The following MBOAT2 variants were observed in gnomAD, a reference collection of about 807,000 sequenced individuals.
The protein encoded by MBOAT2 is membrane-bound glycerophospholipid O-acyltransferase 2.
Under a neutral mutation model 63.4 loss-of-function variants are expected in MBOAT2, and 28 were observed. That is an observed-to-expected ratio of 0.44 (90% CI 0.33 to 0.61). The LOEUF is 0.61. MBOAT2 is among the 20% of genes least tolerant of loss of function. The probability of loss-of-function intolerance (pLI) is 0.03; values close to 1 mark genes in which losing one functional copy is unlikely to be tolerated. For missense variants in MBOAT2, 470 were observed against 605.8 expected (o/e 0.78, Z 2.35); for synonymous variants, 211 against 215.6 (o/e 0.98, Z 0.19).
At chr2:8,982,214 A>G (rs758529519) in intron 1 of MBOAT2, among the ~76,000 whole-genome samples, 4 of 152,164 alleles carry the variant, frequency 2.6e-5, no homozygotes, top group Non-Finnish European at 5.9e-5. Context: ...CCACAGACAT[A>G]TTTACAGCAT....
At chr2:8,872,474 G>T (rs1662396875) in intron 8 of MBOAT2, among the ~76,000 whole-genome samples, 1 of 152,070 alleles carries the variant, frequency 6.6e-6, no homozygotes, top group South Asian at 2.1e-4. Flanking sequence ...AGAGAGAGGG[G>T]TCTCACTATG....
chr2:8,859,917 G>A (rs1226282163), intron 12 of MBOAT2, among the ~76,000 whole-genome samples: 1 of 152,186 alleles, frequency 6.6e-6, no homozygotes, highest in Non-Finnish European at 1.5e-5. Context: ...GGGTGTGGTG[G>A]CTCATGCCTG....
chr2:8,993,647 G>A (rs1162764821), intron 1 of MBOAT2, among the ~76,000 whole-genome samples: 2 of 152,164 alleles, frequency 1.3e-5, no homozygotes, highest in Admixed American at 1.3e-4. Context: ...GCATCCCTCA[G>A]AACCTGGCCT....
At position 8,950,513 on chromosome 2, in the gene MBOAT2, C is replaced by T. The variant is rs181178642; in HGVS notation, c.222-7249G>A. On this transcript the variant is annotated intron_variant, in intron 2 of 12. Transcript: ENST00000305997. ...CGCGATCTCAGCTCACTGCAAGCTC[C>T]GCCTCCCGGGTTCATGCCATTCTCC... is the stretch of plus-strand genomic sequence containing the variant. 2.8e-3 allele frequency among the ~76,000 whole-genome samples: 425 copies of T among 152,200 alleles called. 2 individuals are homozygous for T. The highest frequency in any genetic ancestry group is 4.3e-3 in the Non-Finnish European group (292 of 68,018).
intron 6 of MBOAT2, among the ~76,000 whole-genome samples, chr2:8,878,315 T>TA (rs1001917121): frequency 9.2e-5 from 14 of 152,064 alleles, no homozygotes; most frequent in Admixed American, 5.9e-4. Context: ...GGAGTGTATT[T>TA]AAAAAAAACA....
intron 1 of MBOAT2, among the ~76,000 whole-genome samples, chr2:8,989,674 C>T (rs907437081): frequency 3.3e-5 from 5 of 152,122 alleles, no homozygotes; most frequent in African/African-American, 4.8e-5. Context: ...AAGGTAACCA[C>T]GAAGAAGTGG....
intron 12 of MBOAT2, among the ~76,000 whole-genome samples, chr2:8,860,124 T>C (rs1451976459): frequency 6.6e-6 from 1 of 151,888 alleles, no homozygotes; most frequent in Non-Finnish European, 1.5e-5. Flanking sequence ...GAGGCAGAGG[T>C]TGCAGTGAGC....
At chr2:8,974,624 G>A (rs1186177810) in intron 1 of MBOAT2, among the ~76,000 whole-genome samples, 2 of 152,090 alleles carry the variant, frequency 1.3e-5, no homozygotes, top group Non-Finnish European at 2.9e-5. Flanking sequence ...AGCCTCTGAG[G>A]GTGGAGGATG....
intron 2 of MBOAT2, 47 bp from the exon 3 acceptor site, chr2:8,943,311 ACAT>A (rs756874314): frequency 3.8e-5 from 45 of 1,181,286 alleles, no homozygotes; most frequent in Non-Finnish European, 2.9e-5. Flanking sequence ...CAAGTCACAA[ACAT>A]CAAGCTGAAG....
At chr2:8,866,283 A>T (rs180914515) in intron 9 of MBOAT2, among the ~76,000 whole-genome samples, 3 of 152,330 alleles carry the variant, frequency 2.0e-5, no homozygotes, top group Admixed American at 1.3e-4. Flanking sequence ...ATATACATAC[A>T]GTAGTGTATC....
intron 2 of MBOAT2, among the ~76,000 whole-genome samples, chr2:8,956,905 G>A (rs1480041555): frequency 1.3e-5 from 2 of 152,160 alleles, no homozygotes; most frequent in African/African-American, 2.4e-5. Context: ...TTACACAACT[G>A]TAGGAGATAT....
intron 1 of MBOAT2, among the ~76,000 whole-genome samples, chr2:8,988,301 G>A (rs72771534): frequency 0.035 from 5,376 of 152,194 alleles, 119 homozygotes; most frequent in Middle Eastern, 0.11. Flanking sequence ...GATAAGCAAA[G>A]TAACATCAAA....
chr2:8,987,863 AG>A (rs1265865714), intron 1 of MBOAT2, among the ~76,000 whole-genome samples: 3 of 152,230 alleles, frequency 2.0e-5, no homozygotes, highest in African/African-American at 7.2e-5. Flanking sequence ...TCTGGACTGA[AG>A]GGTAATGGGT....
chr2:8,862,973 C>T lies in MBOAT2; in HGVS notation c.1053-251G>A, dbSNP rs747454156. On this transcript the variant is annotated intron_variant, in intron 10 of 12. Coordinates refer to ENST00000305997, the MANE Select transcript of MBOAT2 (RefSeq NM_138799.4). The surrounding 1 kb of genome is among the most constrained non-coding windows in gnomAD (Gnocchi z 4.3). ...GTATATATATTGGTATATATAGTAA[C>T]TTAAATGATCATTTCTAGTATTTGG... Among the ~76,000 whole-genome samples, 48 of 151,996 alleles carry T rather than the reference C, an allele frequency of 3.2e-4. No homozygotes were observed. The highest frequency in any genetic ancestry group is 6.2e-4 in the Non-Finnish European group (42 of 68,002).
intron 1 of MBOAT2, among the ~76,000 whole-genome samples, chr2:8,994,496 G>A (rs1392937874): frequency 6.6e-6 from 1 of 152,206 alleles, no homozygotes; most frequent in Non-Finnish European, 1.5e-5. Flanking sequence ...ACAGAAACAG[G>A]ACAGGCTGGT....
chr2:8,931,678 G>A (rs1667327439), intron 3 of MBOAT2, among the ~76,000 whole-genome samples: 1 of 152,092 alleles, frequency 6.6e-6, no homozygotes, highest in Non-Finnish European at 1.5e-5. Flanking sequence ...TGTCCTTAAT[G>A]GTACTGCCTA....
intron 1 of MBOAT2, among the ~76,000 whole-genome samples, chr2:8,971,553 G>A (rs1297366267): frequency 3.9e-5 from 6 of 152,088 alleles, no homozygotes; most frequent in East Asian, 3.9e-4. Flanking sequence ...AGGGTATTCA[G>A]TTAGGAAAAG....
intron 1 of MBOAT2, among the ~76,000 whole-genome samples, chr2:8,965,340 G>T (rs1387239232): frequency 1.3e-5 from 2 of 151,912 alleles, no homozygotes; most frequent in African/African-American, 2.4e-5. Context: ...TACATTTCAC[G>T]AAACCTAAGG....
At chr2:8,987,113 C>A (rs1381936264) in intron 1 of MBOAT2, among the ~76,000 whole-genome samples, 1 of 152,168 alleles carries the variant, frequency 6.6e-6, no homozygotes, top group Admixed American at 6.5e-5. Flanking sequence ...TGACAAATGA[C>A]CATACTAATG....
Sources: allele counts gnomAD v4.1 joint callset (sites outside exome capture counted in the v4.1 genomes callset), GRCh38; gene constraint gnomAD v4.1.1; non-coding constraint Gnocchi (gnomAD v3.1); transcripts MANE v1.5; gene names NCBI Gene and HGNC (gene_info 2026-07-23, HGNC 2026-07-21).